The following GRIK2 variants were observed in gnomAD, a reference collection of about 807,000 sequenced individuals.
GRIK2 encodes the protein glutamate ionotropic receptor kainate type subunit 2.
In GRIK2, 32 loss-of-function variants were observed where a neutral mutation model predicts 100.3. The ratio of observed to expected loss-of-function variants is 0.32; its 90% CI spans 0.24 to 0.43. GRIK2 has a LOEUF of 0.43. Among genes scored for constraint, GRIK2 ranks in the 20% least tolerant of loss-of-function variants. The probability of loss-of-function intolerance (pLI) is 1.00; values close to 1 mark genes in which losing one functional copy is unlikely to be tolerated. For missense variants in GRIK2, 843 were observed against 1,114.9 expected (o/e 0.76, Z 3.47); for synonymous variants, 417 against 389.4 (o/e 1.07, Z -0.83).
intron 7 of GRIK2, among the ~76,000 whole-genome samples, chr6:101,775,965 AATTTG>A (rs1778722557): frequency 6.6e-6 from 1 of 152,150 alleles, no homozygotes; most frequent in South Asian, 2.1e-4. Flanking sequence ...TAATGCATTT[AATTTG>A]TAATAAAATC....
intron 2 of GRIK2, among the ~76,000 whole-genome samples, chr6:101,415,538 T>G (rs1387584386): frequency 1.3e-5 from 2 of 151,892 alleles, no homozygotes. Context: ...ACCCGGCTAA[T>G]TTTTTGTATA....
rs76960677 is a variant in GRIK2, at chr6:101,502,735, G to A, written c.115+103343G>A. 9.0e-3 allele frequency among the ~76,000 whole-genome samples: 1,370 copies of A among 152,210 alleles called. 25 individuals carry two copies. Among genetic ancestry groups the A allele is most frequent in the African/African-American group, 0.031 (1,304 of 41,536 alleles). Reference sequence around the variant, plus strand: ...GTGAATGGGTTCCAATTCAGTGTGCGAATTGAAACACTAAAGACCAAATAA... The same window carrying A: ...GTGAATGGGTTCCAATTCAGTGTGCAAATTGAAACACTAAAGACCAAATAA... On this transcript the variant is annotated intron_variant, in intron 2 of 16. Transcript: ENST00000369134.
chr6:101,565,839 C>T (rs1365725041), intron 2 of GRIK2, among the ~76,000 whole-genome samples: 2 of 149,434 alleles, frequency 1.3e-5, no homozygotes, highest in Non-Finnish European at 3.0e-5. Context: ...ATAACATGAA[C>T]AGTAGATTAA....
chr6:101,396,937 A>G (rs888562427), intron 1 of GRIK2, among the ~76,000 whole-genome samples: 1 of 152,180 alleles, frequency 6.6e-6, no homozygotes, highest in African/African-American at 2.4e-5. Flanking sequence ...TAACTGTTTA[A>G]TTTATTGTGT....
At chr6:101,709,152 A>T (rs1773537232) in intron 7 of GRIK2, among the ~76,000 whole-genome samples, 1 of 151,876 alleles carries the variant, frequency 6.6e-6, no homozygotes, top group Non-Finnish European at 1.5e-5. Context: ...CAGGGAGAAC[A>T]CAAGGTAAAA....
chr6:101,412,926 A>T (rs1008896062), intron 2 of GRIK2, among the ~76,000 whole-genome samples: 3 of 152,172 alleles, frequency 2.0e-5, no homozygotes, highest in African/African-American at 4.8e-5. Flanking sequence ...TTTAGGTAAG[A>T]GTCTGACTTT....
chr6:101,876,101 C>G (rs1785819950), intron 11 of GRIK2, among the ~76,000 whole-genome samples: 1 of 151,338 alleles, frequency 6.6e-6, no homozygotes, highest in Non-Finnish European at 1.5e-5. Context: ...AAATCAGAAG[C>G]CTGTATTTAG....
chr6:101,773,931 C>A (rs569585779), intron 7 of GRIK2, among the ~76,000 whole-genome samples: 82 of 151,994 alleles, frequency 5.4e-4, no homozygotes, highest in Non-Finnish European at 9.3e-4. Context: ...GTAATGAGCA[C>A]AAGATAGAAA....
At chr6:101,943,965 C>G (rs941320132) in intron 14 of GRIK2, among the ~76,000 whole-genome samples, 1 of 152,104 alleles carries the variant, frequency 6.6e-6, no homozygotes, top group Non-Finnish European at 1.5e-5. Flanking sequence ...CTACCCAAAT[C>G]TCATGTAGAG....
At chr6:101,980,151 C>CT (rs1793628596) in intron 14 of GRIK2, among the ~76,000 whole-genome samples, 1 of 151,970 alleles carries the variant, frequency 6.6e-6, no homozygotes, top group Admixed American at 6.6e-5. Flanking sequence ...ACATAGTGCT[C>CT]TTCCACTCCC....
chr6:101,577,883 G>T (rs1350883876), intron 2 of GRIK2, among the ~76,000 whole-genome samples: 3 of 152,158 alleles, frequency 2.0e-5, no homozygotes, highest in African/African-American at 7.2e-5. Flanking sequence ...AAGAGCTCCT[G>T]TGTTCCTGGG....
At chr6:101,999,715 T>G (rs1031047460) in intron 14 of GRIK2, among the ~76,000 whole-genome samples, 1 of 152,100 alleles carries the variant, frequency 6.6e-6, no homozygotes, top group African/African-American at 2.4e-5. Flanking sequence ...GAAACTTGAC[T>G]AGGAATAGTA....
chr6:101,584,660 A>G lies in GRIK2; in HGVS notation c.116-37289A>G, dbSNP rs1778266749. On this transcript the variant is annotated intron_variant, in intron 2 of 16. Coordinates refer to ENST00000369134, the MANE Select transcript of GRIK2 (RefSeq NM_021956.5). Reference sequence around the variant, plus strand: ...CCTTCTGTACTGTACAATTGTTTCAATTTGTACATCTTTAGAGAATATAAC... The same window carrying G: ...CCTTCTGTACTGTACAATTGTTTCAGTTTGTACATCTTTAGAGAATATAAC... Among the ~76,000 whole-genome samples, 3 of 152,018 alleles carry G rather than the reference A, an allele frequency of 2.0e-5. No homozygotes were observed. In the South Asian group the frequency reaches 6.2e-4, roughly 31 times the overall value.
intron 6 of GRIK2, among the ~76,000 whole-genome samples, chr6:101,684,505 T>C (rs1168656702): frequency 6.6e-6 from 1 of 152,184 alleles, no homozygotes; most frequent in Non-Finnish European, 1.5e-5. Context: ...ACACTTTGAA[T>C]TCTCTTTTTG....
intron 2 of GRIK2, among the ~76,000 whole-genome samples, chr6:101,429,881 A>G (rs1769280685): frequency 1.3e-5 from 2 of 152,222 alleles, no homozygotes. Flanking sequence ...ATTAATGCAG[A>G]CAACTTTCAA....
chr6:101,496,641 G>A (rs1201137714), intron 2 of GRIK2, among the ~76,000 whole-genome samples: 1 of 152,174 alleles, frequency 6.6e-6, no homozygotes, highest in African/African-American at 2.4e-5. Flanking sequence ...AGGTTGGAGA[G>A]TAAGCACCCA....
intron 14 of GRIK2, among the ~76,000 whole-genome samples, chr6:101,987,962 A>C (rs1794111595): frequency 6.6e-6 from 1 of 151,864 alleles, no homozygotes; most frequent in Middle Eastern, 3.4e-3. Context: ...GAAACTATTT[A>C]AAGAGCATCG....
intron 15 of GRIK2, among the ~76,000 whole-genome samples, chr6:102,051,071 GGATA>G (rs1351145459): frequency 6.6e-6 from 1 of 152,096 alleles, no homozygotes; most frequent in African/African-American, 2.4e-5. Flanking sequence ...AGGAAGTTCT[GGATA>G]GATACATTTG....
At chr6:101,982,215 T>C (rs572019980) in intron 14 of GRIK2, among the ~76,000 whole-genome samples, 34 of 152,010 alleles carry the variant, frequency 2.2e-4, no homozygotes, top group Middle Eastern at 3.4e-3. Flanking sequence ...GTTGCAGATA[T>C]CTTGAGTATA....
Sources: allele counts gnomAD v4.1 joint callset (sites outside exome capture counted in the v4.1 genomes callset), GRCh38; gene constraint gnomAD v4.1.1; transcripts MANE v1.5; gene names NCBI Gene and HGNC (gene_info 2026-07-23, HGNC 2026-07-21).